The following SDHAF3 variants were observed in gnomAD, a reference collection of about 807,000 sequenced individuals.
SDHAF3 encodes succinate dehydrogenase complex assembly factor 3, also known as succinate dehydrogenase assembly factor 3, mitochondrial.
A neutral mutation model predicts 11.5 loss-of-function variants in SDHAF3; 18 were observed. The observed-to-expected ratio is 1.56, with a 90% confidence interval of 1.08 to 2.32. The LOEUF (loss-of-function observed/expected upper bound fraction) is 2.32, where lower values mean the gene tolerates loss of function less well. SDHAF3 is among the 30% of genes most tolerant of loss of function. The pLI is 0.00. For missense variants in SDHAF3, 200 were observed against 154.4 expected (o/e 1.30, Z -1.57); for synonymous variants, 72 against 59.3 (o/e 1.21, Z -0.99).
chr7:97,151,159 A>T (rs905675576), intron 1 of SDHAF3, among the ~76,000 whole-genome samples: 1 of 152,156 alleles, frequency 6.6e-6, no homozygotes, highest in Admixed American at 6.5e-5. Flanking sequence ...CTTTTACTGC[A>T]CACTCCGAAG....
intron 1 of SDHAF3, among the ~76,000 whole-genome samples, chr7:97,165,025 T>C (rs963922461): frequency 6.6e-6 from 1 of 152,128 alleles, no homozygotes; most frequent in African/African-American, 2.4e-5. Flanking sequence ...CTTTAAAAGA[T>C]TAAATCCCTA....
chr7:97,138,327 T>C (rs907926633), intron 1 of SDHAF3, among the ~76,000 whole-genome samples: 52 of 152,022 alleles, frequency 3.4e-4, no homozygotes, highest in Admixed American at 3.3e-3. Flanking sequence ...ACCTGGCTAA[T>C]TTTTTGTGCG....
intron 1 of SDHAF3, among the ~76,000 whole-genome samples, chr7:97,125,764 C>T (rs886966415): frequency 8.5e-5 from 13 of 152,286 alleles, no homozygotes; most frequent in Non-Finnish European, 2.9e-5. Context: ...AGCTTCCTTG[C>T]ATTGGGTTAG....
Position 97,121,840 on chromosome 7 carries a change from G to T in SDHAF3, c.174+3943G>T, listed in dbSNP as rs182711356. 6.7e-3 allele frequency among the ~76,000 whole-genome samples: 963 copies of T among 144,214 alleles called. 9 individuals are homozygous for T. Among genetic ancestry groups the T allele is most frequent in the South Asian group, 0.013 (60 of 4,648 alleles). The allele number at this position is 144,214 out of a possible 152,430, so 94.6% of individuals were successfully genotyped here. ...GGTAAGAAACAGTATGAGGTTTTTT[G>T]GTTTTTTTTTTTTGTTTTTTTTTTT... On this transcript the variant is annotated intron_variant, in intron 1 of 1. Transcript: ENST00000432641.
At chr7:97,138,984 A>C (rs1427288163) in intron 1 of SDHAF3, among the ~76,000 whole-genome samples, 1 of 152,112 alleles carries the variant, frequency 6.6e-6, no homozygotes, top group African/African-American at 2.4e-5. Context: ...TGTCTGGGCC[A>C]GGTGTTCCCC....
In SDHAF3 at chr7:97,181,266, T is replaced by TAA. The variant is rs1789770367; in HGVS notation, c.*52_*53dup. On this transcript the variant is annotated 3_prime_UTR_variant, in exon 2 of 2. Coordinates refer to ENST00000432641, the MANE Select transcript of SDHAF3 (RefSeq NM_020186.3). ...ATGCAAAAATTTAGAACCCCTACTTTAACTGTCATTGGTTTTTGAAATATA... is the reference window on the plus strand; with the variant it reads ...ATGCAAAAATTTAGAACCCCTACTTTAAAACTGTCATTGGTTTTTGAAATATA... 7.4e-7 allele frequency: 1 copy of TAA among 1,343,638 alleles called. No homozygotes were observed. The highest frequency in any genetic ancestry group is 1.0e-6 in the Non-Finnish European group (1 of 973,244). 83.2% of individuals were successfully genotyped at this position (1,343,638 alleles called of 1,614,324 possible).
intron 1 of SDHAF3, among the ~76,000 whole-genome samples, chr7:97,149,207 G>A (rs1789181148): frequency 6.6e-6 from 1 of 151,986 alleles, no homozygotes; most frequent in African/African-American, 2.4e-5. Flanking sequence ...AAAGTGCTGG[G>A]ATTACAGGTG....
chr7:97,135,820 T>C (rs1791757241), intron 1 of SDHAF3, among the ~76,000 whole-genome samples: 1 of 150,494 alleles, frequency 6.6e-6, no homozygotes, highest in Non-Finnish European at 1.5e-5. Context: ...CCTGAGTAGC[T>C]GGGACTACAG....
At chr7:97,134,170 C>T (rs1337042035) in intron 1 of SDHAF3, among the ~76,000 whole-genome samples, 2 of 152,204 alleles carry the variant, frequency 1.3e-5, no homozygotes, top group Non-Finnish European at 2.9e-5. Flanking sequence ...ACAGCAGCTA[C>T]CTGGGTGAGA....
intron 1 of SDHAF3, among the ~76,000 whole-genome samples, chr7:97,143,482 G>T (rs374767400): frequency 2.0e-5 from 3 of 152,094 alleles, no homozygotes; most frequent in African/African-American, 7.2e-5. Context: ...AGTCCCCAAA[G>T]TCCATTGTAT....
intron 1 of SDHAF3, chr7:97,134,972 A>G (rs1229157850): frequency 6.6e-6 from 1 of 151,996 alleles, no homozygotes; most frequent in Admixed American, 6.5e-5. Context: ...TGGATTTTAC[A>G]TGGAAAGAGA....
At chr7:97,149,173 G>A (rs1789180544) in intron 1 of SDHAF3, among the ~76,000 whole-genome samples, 1 of 152,054 alleles carries the variant, frequency 6.6e-6, no homozygotes, top group South Asian at 2.1e-4. Flanking sequence ...CTGGGCTCAA[G>A]CGATTCTTCC....
chr7:97,178,626 C>T (rs1789726220), intron 1 of SDHAF3, among the ~76,000 whole-genome samples: 1 of 151,956 alleles, frequency 6.6e-6, no homozygotes, highest in Non-Finnish European at 1.5e-5. Flanking sequence ...TGATTTTGAC[C>T]ATCTTTTCAT....
At chr7:97,172,656 T>C (rs1254265022) in intron 1 of SDHAF3, among the ~76,000 whole-genome samples, 1 of 152,174 alleles carries the variant, frequency 6.6e-6, no homozygotes, top group Non-Finnish European at 1.5e-5. Flanking sequence ...AATAAAAATA[T>C]TAATGGTACA....
intron 1 of SDHAF3, among the ~76,000 whole-genome samples, chr7:97,153,587 T>C (rs1789257812): frequency 6.6e-6 from 1 of 152,256 alleles, no homozygotes; most frequent in Non-Finnish European, 1.5e-5. Flanking sequence ...TGCTGGATCA[T>C]ATGGTAAGAG....
At chr7:97,145,308 C>T (rs191544633) in intron 1 of SDHAF3, among the ~76,000 whole-genome samples, 1 of 152,154 alleles carries the variant, frequency 6.6e-6, no homozygotes, top group African/African-American at 2.4e-5. Flanking sequence ...TAAATTTTAT[C>T]TGAAGTAGTA....
At chr7:97,152,711 G>T (rs760859787) in intron 1 of SDHAF3, among the ~76,000 whole-genome samples, 4 of 152,038 alleles carry the variant, frequency 2.6e-5, no homozygotes, top group Non-Finnish European at 5.9e-5. Context: ...TTGCAATGGC[G>T]CAATCTCAGG....
At chr7:97,168,120 A>T (rs1253609849) in intron 1 of SDHAF3, among the ~76,000 whole-genome samples, 2 of 151,492 alleles carry the variant, frequency 1.3e-5, no homozygotes, top group Non-Finnish European at 2.9e-5. Flanking sequence ...TGCTGGCGGG[A>T]CCCCCTCTTT....
At chr7:97,121,296 A>G (rs940099886) in intron 1 of SDHAF3, among the ~76,000 whole-genome samples, 16 of 152,238 alleles carry the variant, frequency 1.1e-4, no homozygotes, top group African/African-American at 2.7e-4. Context: ...CAGAATAAGC[A>G]TTGAAGATTA....
Sources: gnomAD v4.1 joint callset for allele counts (sites outside exome capture counted in the v4.1 genomes callset) on GRCh38, gnomAD v4.1.1 for gene constraint, MANE v1.5 for transcripts, NCBI Gene and HGNC (gene_info 2026-07-23, HGNC 2026-07-21) for gene names.